Variants in CD200 observed in about 807,000 individuals in gnomAD.
The protein encoded by CD200 is CD200 molecule, also known as OX-2 membrane glycoprotein.
Under a neutral mutation model 30.9 loss-of-function variants are expected in CD200, and 15 were observed. That is an observed-to-expected ratio of 0.49 (90% CI 0.32 to 0.75). The LOEUF (loss-of-function observed/expected upper bound fraction) is 0.75, where lower values mean the gene tolerates loss of function less well. Among genes scored for constraint, CD200 ranks in the 30% least tolerant of loss-of-function variants. CD200 has a pLI of 0.03. For synonymous variants in CD200, 134 were observed against 126.2 expected (o/e 1.06, Z -0.41); for missense variants, 262 against 324.2 (o/e 0.81, Z 1.47).
chr3:112,353,149 A>G (rs2081565816), intron 5 of CD200, among the ~76,000 whole-genome samples: 1 of 152,180 alleles, frequency 6.6e-6, no homozygotes, highest in Admixed American at 6.6e-5. Flanking sequence ...CATATATGAC[A>G]ATGTAGTTAA....
chr3:112,336,671 GA>G (rs1384508233), intron 1 of CD200, among the ~76,000 whole-genome samples: 1 of 34,052 alleles, frequency 2.9e-5, no homozygotes, highest in African/African-American at 1.1e-4. Context: ...GGCTAAACAG[GA>G]GCCGATAAGA....
At chr3:112,334,890 C>T (rs1041809671) in intron 1 of CD200, among the ~76,000 whole-genome samples, 1 of 152,166 alleles carries the variant, frequency 6.6e-6, no homozygotes, top group African/African-American at 2.4e-5. Flanking sequence ...TATGTATCTG[C>T]TTTCTCTCTT....
Position 112,361,738 on chromosome 3 carries a change from A to C in CD200, c.*188A>C, listed in dbSNP as rs2081745985. Reference sequence around the variant, plus strand: ...ACTCAGTGTTTGAATCCCAAGAGGAAGTCAGTTTACCTCTCAGGTCTGTTG... The same window carrying C: ...ACTCAGTGTTTGAATCCCAAGAGGACGTCAGTTTACCTCTCAGGTCTGTTG... On this transcript the variant is annotated 3_prime_UTR_variant, in exon 6 of 6. Transcript: ENST00000315711. 1 of 656,404 alleles carries C rather than the reference A, an allele frequency of 1.5e-6. No individual in the cohort carries two copies. Among genetic ancestry groups the C allele is most frequent in the Non-Finnish European group, 2.8e-6 (1 of 361,416 alleles). 40.7% of individuals were successfully genotyped at this position (656,404 alleles called of 1,614,324 possible). A position where few individuals can be genotyped will look rare whatever the true frequency, so the allele number is the denominator to read the frequency against.
chr3:112,333,089 G>T, upstream of CD200: 1 of 1,426,492 alleles, frequency 7.0e-7, no homozygotes, highest in Non-Finnish European at 9.6e-7. Flanking sequence ...GGAGAAGGGG[G>T]CTAGCGAGGA....
intron 5 of CD200, among the ~76,000 whole-genome samples, chr3:112,358,996 A>G (rs1330736710): frequency 6.6e-6 from 1 of 152,236 alleles, no homozygotes; most frequent in Non-Finnish European, 1.5e-5. Context: ...AAAGAATCAC[A>G]TTCTCTACAA....
chr3:112,334,523 G>A (rs995982506), intron 1 of CD200, among the ~76,000 whole-genome samples: 2 of 152,106 alleles, frequency 1.3e-5, no homozygotes, highest in Non-Finnish European at 2.9e-5. Flanking sequence ...TTTATTTAGT[G>A]CTTATTTCTA....
intron 1 of CD200, chr3:112,334,005 T>A: frequency 4.1e-6 from 4 of 985,412 alleles, no homozygotes; most frequent in Non-Finnish European, 4.8e-6. Flanking sequence ...TCAAGATAAT[T>A]TTTTCATGTA....
chr3:112,355,991 T>TA (rs2081617180), intron 5 of CD200, among the ~76,000 whole-genome samples: 3 of 152,224 alleles, frequency 2.0e-5, no homozygotes, highest in Non-Finnish European at 2.9e-5. Context: ...TGAGATTTTG[T>TA]ACTACAAACA....
intron 5 of CD200, among the ~76,000 whole-genome samples, chr3:112,350,365 T>C (rs958160540): frequency 6.6e-5 from 10 of 152,182 alleles, no homozygotes; most frequent in Non-Finnish European, 1.2e-4. Context: ...CAGCATCTTA[T>C]ATATACCAGG....
chr3:112,349,676 A>G (rs1283984710), intron 4 of CD200, 36 bp from the exon 5 acceptor site: 1 of 1,577,696 alleles, frequency 6.3e-7, no homozygotes, highest in Admixed American at 1.8e-5. Flanking sequence ...TCCTCATGTG[A>G]TGTCATTTTC....
At position 112,345,350 on chromosome 3, in the gene CD200, T is replaced by G. The variant is rs1038978855; in HGVS notation, c.421+62T>G. ...ATACTATTTGCAAGAATGTTTGGAA[T>G]ATAGCCGTAGTGCCCAGTTTTTCAG... On this transcript the variant is annotated intron_variant, in intron 3 of 5. Coordinates refer to ENST00000315711, the MANE Select transcript of CD200 (RefSeq NM_005944.7). 3.6e-6 allele frequency: 5 copies of G among 1,399,664 alleles called. No individual in the cohort carries two copies. The African/African-American group carries it at 7.1e-5, about 20-fold the overall frequency. 86.7% of individuals were successfully genotyped at this position (1,399,664 alleles called of 1,614,324 possible).
chr3:112,346,136 T>C (rs947439110), intron 3 of CD200, among the ~76,000 whole-genome samples: 1 of 152,098 alleles, frequency 6.6e-6, no homozygotes, highest in Non-Finnish European at 1.5e-5. Flanking sequence ...GAAATTTCTT[T>C]TACTTATTTT....
intron 5 of CD200, among the ~76,000 whole-genome samples, chr3:112,358,671 A>T (rs988172454): frequency 2.6e-5 from 4 of 152,072 alleles, no homozygotes; most frequent in Non-Finnish European, 5.9e-5. Context: ...AAGAGCGGCT[A>T]CCTGAAGGTG....
At position 112,361,866 on chromosome 3, in the gene CD200, A is replaced by C; in HGVS notation, c.*316A>C. On this transcript the variant is annotated 3_prime_UTR_variant, in exon 6 of 6. Transcript: ENST00000315711. Reference sequence around the variant, plus strand: ...AGCTCACAGACTGACTTGGGCTCCTACTGGTGGGGACCTCTGTTAGTCACT... The same window carrying C: ...AGCTCACAGACTGACTTGGGCTCCTCCTGGTGGGGACCTCTGTTAGTCACT... 1 of 394,618 alleles carries C rather than the reference A, an allele frequency of 2.5e-6. No homozygotes were observed. Among genetic ancestry groups the C allele is most frequent in the Non-Finnish European group, 4.6e-6 (1 of 219,244 alleles). The allele number at this position is 394,618 out of a possible 1,614,324, so 24.4% of individuals were successfully genotyped here.
intron 5 of CD200, among the ~76,000 whole-genome samples, 166 bp from the exon 6 acceptor site, chr3:112,361,367 TCATAGTCCCC>T (rs2081738266): frequency 6.6e-6 from 1 of 152,024 alleles, no homozygotes; most frequent in African/African-American, 2.4e-5. Context: ...TTGTAAAGAG[TCATAGTCCCC>T]TCACACCATA....
intron 1 of CD200, among the ~76,000 whole-genome samples, chr3:112,336,548 C>T (rs559359389): frequency 6.6e-6 from 1 of 151,368 alleles, no homozygotes; most frequent in East Asian, 2.0e-4. Flanking sequence ...ATGGGATTCC[C>T]ACAGGTAGAA....
chr3:112,356,205 C>A lies in CD200; in HGVS notation c.803-5338C>A, dbSNP rs576891861. On this transcript the variant is annotated intron_variant, in intron 5 of 5. Transcript: ENST00000315711. ...GGACACTAGTTTATAAATACTCCAACCTTCTCCCTTTTTTATACAATAAAG... is the reference window on the plus strand; with the variant it reads ...GGACACTAGTTTATAAATACTCCAAACTTCTCCCTTTTTTATACAATAAAG... 2.0e-5 allele frequency among the ~76,000 whole-genome samples: 3 copies of A among 152,286 alleles called. No individual in the cohort carries two copies. In the South Asian group the frequency reaches 6.2e-4, roughly 32 times the overall value.
chr3:112,342,574 C>G (rs1042469546), intron 2 of CD200, among the ~76,000 whole-genome samples: 3 of 151,876 alleles, frequency 2.0e-5, no homozygotes, highest in East Asian at 1.9e-4. Flanking sequence ...AGGTGCCCAC[C>G]ACCACGCCTG....
At chr3:112,345,427 A>G (rs2081362989) in intron 3 of CD200, 139 bp downstream of exon 3, 1 of 665,920 alleles carries the variant, frequency 1.5e-6, no homozygotes, top group Non-Finnish European at 2.6e-6. Flanking sequence ...TGTCTACTAT[A>G]GCTGTGTTTA....
Sources: allele counts gnomAD v4.1 joint callset (sites outside exome capture counted in the v4.1 genomes callset), GRCh38; gene constraint gnomAD v4.1.1; transcripts MANE v1.5; gene names NCBI Gene and HGNC (gene_info 2026-07-23, HGNC 2026-07-21).